PPFIA3: variants seen among roughly 807,000 people sequenced by gnomAD.
PPFIA3 encodes PPFI scaffold protein A3.
Under a neutral mutation model 145.8 loss-of-function variants are expected in PPFIA3, and 26 were observed. The ratio of observed to expected loss-of-function variants is 0.18; its 90% confidence interval spans 0.13 to 0.25. PPFIA3 has a LOEUF of 0.25. PPFIA3 is among the 10% of genes least tolerant of loss of function. PPFIA3 has a pLI of 1.00. For missense variants in PPFIA3, 1,008 were observed against 1,587.8 expected, an observed-to-expected ratio of 0.63 and a Z score of 6.21; for synonymous variants, 645 against 661.4, an observed-to-expected ratio of 0.98 and a Z score of 0.38.
chr19:49,144,075 G>A (rs1244907569), intron 21 of PPFIA3, among the ~76,000 whole-genome samples: 2 of 151,716 alleles, frequency 1.3e-5, no homozygotes, highest in African/African-American at 2.4e-5. Flanking sequence ...GTGCGACCTC[G>A]ACTCACTGCA....
chr19:49,139,685 G>A lies in PPFIA3; in HGVS notation c.2094G>A (p.Glu698=), dbSNP rs1254937530. 5 of 1,605,976 alleles carry A rather than the reference G, an allele frequency of 3.1e-6. No individual in the cohort carries two copies. Among genetic ancestry groups the A allele is most frequent in the South Asian group, 1.1e-5 (1 of 90,146 alleles). Residue 698 remains glutamate, a synonymous_variant, in exon 17 of 30, where the codon GAG becomes GAA. Transcript: ENST00000334186. ...GTDKANHVPK[E]EAGAPRGEGP... ...GTCCTCAGAATCATGTCCCTAAGGA[G>A]GAAGCTGGAGCTCCACGAGGGGAGG...
intron 13 of PPFIA3, among the ~76,000 whole-genome samples, 159 bp downstream of exon 13, chr19:49,135,074 C>A (rs1353438712): frequency 6.6e-6 from 1 of 152,122 alleles, no homozygotes; most frequent in Non-Finnish European, 1.5e-5. Context: ...CAGAGTCTCA[C>A]TCTGTCGCCC....
At chr19:49,125,951 G>GTTT (rs2040992568) in intron 1 of PPFIA3, among the ~76,000 whole-genome samples, 1 of 150,786 alleles carries the variant, frequency 6.6e-6, no homozygotes, top group Non-Finnish European at 1.5e-5. Flanking sequence ...TTGTTTGTTT[G>GTTT]TTTGTTTTGT....
At chr19:49,131,074 A>G (rs984122271) in intron 7 of PPFIA3, among the ~76,000 whole-genome samples, 1 of 131,152 alleles carries the variant, frequency 7.6e-6, no homozygotes, top group African/African-American at 2.9e-5. Context: ...GGGTTTCACT[A>G]TGTTGGCCAG....
Position 49,133,901 on chromosome 19 carries a change from C to A in PPFIA3, c.1245+22C>A. 1 of 1,611,256 alleles carries A rather than the reference C, an allele frequency of 6.2e-7. No homozygotes were observed. The highest frequency in any genetic ancestry group is 8.5e-7 in the Non-Finnish European group (1 of 1,179,500). On this transcript the variant is annotated intron_variant, in intron 10 of 29. Coordinates refer to ENST00000334186, the MANE Select transcript of PPFIA3 (RefSeq NM_003660.4). This position sits in a 1 kb window ranked among gnomAD's most constrained non-coding sequence, Gnocchi z 7.2. ...GCGGGTGAGGGGGCGGAAGACTGCACAGAGGGTGGGGCTTCGAGGCTGGGG... is the reference window on the plus strand; with the variant it reads ...GCGGGTGAGGGGGCGGAAGACTGCAAAGAGGGTGGGGCTTCGAGGCTGGGG...
intron 24 of PPFIA3, 69 bp from the exon 25 acceptor site, chr19:49,148,597 G>A (rs2041306156): frequency 7.2e-6 from 9 of 1,243,840 alleles, no homozygotes; most frequent in Non-Finnish European, 1.0e-5. Flanking sequence ...CAGTGGGGAG[G>A]GACCCGTAGG....
chr19:49,142,879 C>T lies in PPFIA3; in HGVS notation c.2620C>T (p.Leu874=), dbSNP rs761889396. The T allele has an allele frequency of 8.0e-5, 129 of 1,614,036 alleles. No homozygotes were observed. In the East Asian group the frequency reaches 2.8e-3, roughly 35 times the overall value. The change falls in exon 21 of 30, where the codon CTG becomes TTG. Residue 874 remains leucine, a synonymous_variant. Transcript: ENST00000334186. ...NVKSGAIMAN[L]SDTEIQREIG... is the part of the protein sequence containing the mutation. ...CAAGAGCGGTGCCATCATGGCCAACCTGTCAGACACGGAGATCCAGCGCGA... is the reference window on the plus strand; with the variant it reads ...CAAGAGCGGTGCCATCATGGCCAACTTGTCAGACACGGAGATCCAGCGCGA...
chr19:49,139,850 T>TAGGG lies in PPFIA3; in HGVS notation c.2240+21_2240+24dup. On this transcript the variant is annotated intron_variant, in intron 17 of 29. Coordinates refer to ENST00000334186, the MANE Select transcript of PPFIA3 (RefSeq NM_003660.4). ...GGGGAAGGTCAGCAGGGACAAGGGA[T>TAGGG]AGGGACAGGGAGAAGCTGGCTTGGG... The TAGGG allele has an allele frequency of 6.2e-7, 1 of 1,610,258 alleles. No homozygotes were observed. The highest frequency in any genetic ancestry group is 8.5e-7 in the Non-Finnish European group (1 of 1,177,510).
At chr19:49,139,489 CAAAA>C (rs370199974) in intron 16 of PPFIA3, among the ~76,000 whole-genome samples, 175 bp from the exon 17 acceptor site, 2 of 64,436 alleles carry the variant, frequency 3.1e-5, no homozygotes, top group Non-Finnish European at 6.4e-5. Context: ...AACTCCATCT[CAAAA>C]AAAAAAAAAA....
Position 49,150,391 on chromosome 19 carries a change from G to T in PPFIA3, c.*169G>T, listed in dbSNP as rs1600358122. On this transcript the variant is annotated 3_prime_UTR_variant, in exon 30 of 30. Coordinates refer to ENST00000334186, the MANE Select transcript of PPFIA3 (RefSeq NM_003660.4). ...GGAGTGCGCGCGCCCGCCTCGCACAGGGCCGGGGCCTGGACCAAACCACAT... is the reference window on the plus strand; with the variant it reads ...GGAGTGCGCGCGCCCGCCTCGCACATGGCCGGGGCCTGGACCAAACCACAT... 1 of 454,470 alleles carries T rather than the reference G, an allele frequency of 2.2e-6. No individual in the cohort carries two copies. Among genetic ancestry groups the T allele is most frequent in the Middle Eastern group, 5.8e-4 (1 of 1,710 alleles). 28.2% of individuals were successfully genotyped at this position (454,470 alleles called of 1,614,324 possible). A position where few individuals can be genotyped will look rare whatever the true frequency, so the allele number is the denominator to read the frequency against.
chr19:49,128,255 G>C lies in PPFIA3; in HGVS notation c.241-112G>C, dbSNP rs557523218. Reference sequence around the variant, plus strand: ...AATGGGCGGGGCCTGAGTGGCAAGGGACAGCGGGACTTAGCAGGGAGGGCG... The same window carrying C: ...AATGGGCGGGGCCTGAGTGGCAAGGCACAGCGGGACTTAGCAGGGAGGGCG... On this transcript the variant is annotated intron_variant, in intron 2 of 29. Coordinates refer to ENST00000334186, the MANE Select transcript of PPFIA3 (RefSeq NM_003660.4). The surrounding 1 kb of genome is among the most constrained non-coding windows in gnomAD (Gnocchi z 4.1). 8 of 1,496,414 alleles carry C rather than the reference G, an allele frequency of 5.3e-6. No individual in the cohort carries two copies. The African/African-American group carries it at 6.9e-5, about 13-fold the overall frequency. 92.7% of individuals were successfully genotyped at this position (1,496,414 alleles called of 1,614,324 possible).
At chr19:49,122,940 C>A (rs201555104) in intron 1 of PPFIA3, among the ~76,000 whole-genome samples, 1 of 151,364 alleles carries the variant, frequency 6.6e-6, no homozygotes, top group East Asian at 1.9e-4. Flanking sequence ...CCAGGATGGT[C>A]TCTATCTGTT....
chr19:49,120,363 C>T lies in PPFIA3; in HGVS notation c.-16+641C>T, dbSNP rs535313334. Among the ~76,000 whole-genome samples, 13 of 152,296 alleles carry T rather than the reference C, an allele frequency of 8.5e-5. 1 individual carries two copies. In the South Asian group the frequency reaches 1.7e-3, roughly 19 times the overall value. On this transcript the variant is annotated intron_variant, in intron 1 of 29. Coordinates refer to ENST00000334186, the MANE Select transcript of PPFIA3 (RefSeq NM_003660.4). The surrounding 1 kb of genome is among the most constrained non-coding windows in gnomAD (Gnocchi z 4.6). ...GCCTCTGGGTTCTGCCGGCCAGGCTCGTGGCCCCGTCCTCGGCACCCCAGG... is the reference window on the plus strand; with the variant it reads ...GCCTCTGGGTTCTGCCGGCCAGGCTTGTGGCCCCGTCCTCGGCACCCCAGG...
rs2040907686 is a variant in PPFIA3, at chr19:49,119,659, C to A, written c.-79C>A. The A allele has an allele frequency of 1.3e-5, 2 of 150,426 alleles. No homozygotes were observed. The highest frequency in any genetic ancestry group is 4.9e-5 in the African/African-American group (2 of 40,670). The allele number at this position is 150,426 out of a possible 1,614,324, so 9.3% of individuals were successfully genotyped here. On this transcript the variant is annotated 5_prime_UTR_variant, in exon 1 of 30. Transcript: ENST00000334186. ...CGCTGCCAGGGGCCCCGCCCGGCCC[C>A]CCCACTCCACCCCACGTCCCTCCTG...
chr19:49,138,141 C>T, intron 15 of PPFIA3, 64 bp from the exon 16 acceptor site: 1 of 1,472,046 alleles, frequency 6.8e-7, no homozygotes, highest in African/African-American at 1.4e-5. Flanking sequence ...CATTGTGCTC[C>T]CAGATTCCCT....
chr19:49,139,744 C>A lies in PPFIA3; in HGVS notation c.2153C>A (p.Thr718Asn), dbSNP rs2041191826. Reference protein sequence around the residue: ...PAIPGDTPPPTPRSARLERMT... With the variant: ...PAIPGDTPPPNPRSARLERMT... Reference sequence around the variant, plus strand: ...ATCCCAGGAGACACCCCACCACCCACTCCCCGCTCTGCCCGTCTTGAGAGA... The same window carrying A: ...ATCCCAGGAGACACCCCACCACCCAATCCCCGCTCTGCCCGTCTTGAGAGA... The change falls in exon 17 of 30, where the codon ACT (threonine) becomes AAT (asparagine). Residue 718 changes from threonine (T) to asparagine (N), a missense_variant. Physicochemically the swap from Thr to Asn is moderately conservative, Grantham distance 65. Around this residue, in one of 11 missense-constraint regions of PPFIA3, gnomAD observed 202 missense variants for 241.8 expected, o/e 0.84. Coordinates refer to ENST00000334186, the MANE Select transcript of PPFIA3 (RefSeq NM_003660.4). The A allele has an allele frequency of 1.2e-6, 2 of 1,613,926 alleles. No homozygotes were observed. The highest frequency in any genetic ancestry group is 1.3e-5 in the African/African-American group (1 of 74,920).
chr19:49,138,724 C>T (rs1373537830), intron 16 of PPFIA3, among the ~76,000 whole-genome samples: 2 of 152,174 alleles, frequency 1.3e-5, no homozygotes, highest in Admixed American at 6.5e-5. Context: ...AATCCCAGCA[C>T]TTCGGGAGGC....
At position 49,138,864 on chromosome 19, in the gene PPFIA3, G is replaced by A. The variant is rs111614463; in HGVS notation, c.2076+437G>A. On this transcript the variant is annotated intron_variant, in intron 16 of 29. Coordinates refer to ENST00000334186, the MANE Select transcript of PPFIA3 (RefSeq NM_003660.4). ...CACGTGCCTGTAATTCCAGTTACTC[G>A]GGAGGCTGATGCAGGAGAATCAATT... Among the ~76,000 whole-genome samples the A allele has an allele frequency of 3.1e-3, 464 of 152,000 alleles. 3 individuals are homozygous for A. The highest frequency in any genetic ancestry group is 9.3e-3 in the African/African-American group (384 of 41,432).
rs79389765 is a variant in PPFIA3, at chr19:49,145,436, G to T, written c.2746-507G>T. On this transcript the variant is annotated intron_variant, in intron 21 of 29. Coordinates refer to ENST00000334186, the MANE Select transcript of PPFIA3 (RefSeq NM_003660.4). ...TTCATTGTTTCTCCCCCACTAGGACGAAAAGTGTCTGTCGTGTCCCTTGCC... is the reference window on the plus strand; with the variant it reads ...TTCATTGTTTCTCCCCCACTAGGACTAAAAGTGTCTGTCGTGTCCCTTGCC... 5.3e-3 allele frequency among the ~76,000 whole-genome samples: 800 copies of T among 152,214 alleles called. 5 individuals are homozygous for T. Among genetic ancestry groups the T allele is most frequent in the African/African-American group, 0.018 (763 of 41,532 alleles).
Sources: gnomAD v4.1 joint callset for allele counts (sites outside exome capture counted in the v4.1 genomes callset) on GRCh38, gnomAD v4.1.1 for gene constraint, gnomAD v4.1.1 regional missense constraint, Gnocchi (gnomAD v3.1) non-coding constraint, MANE v1.5 for transcripts, NCBI Gene and HGNC (gene_info 2026-07-23, HGNC 2026-07-21) for gene names.